CDH18: variants seen among roughly 807,000 people sequenced by gnomAD.
The protein encoded by CDH18 is cadherin-18.
A neutral mutation model predicts 67.9 loss-of-function variants in CDH18; 31 were observed. The ratio of observed to expected loss-of-function variants is 0.46; its 90% CI spans 0.34 to 0.62. The LOEUF (loss-of-function observed/expected upper bound fraction) is 0.62, where lower values mean the gene tolerates loss of function less well. CDH18 is among the 20% of genes least tolerant of loss of function. CDH18 has a pLI of 0.01. For synonymous variants in CDH18, 362 were observed against 347.2 expected, an observed-to-expected ratio of 1.04 and a Z score of -0.48; for missense variants, 890 against 975.5, an observed-to-expected ratio of 0.91 and a Z score of 1.17.
At chr5:20,209,783 A>G (rs894916512) in intron 2 of CDH18, among the ~76,000 whole-genome samples, 8 of 150,548 alleles carry the variant, frequency 5.3e-5, no homozygotes, top group South Asian at 4.2e-4. Flanking sequence ...AGAAAATACA[A>G]AAACTGAAGA....
In CDH18 at chr5:20,529,181, A is replaced by G. The variant is rs367896964; in HGVS notation, c.-580+46281T>C. On this transcript the variant is annotated intron_variant, in intron 1 of 14. Transcript: ENST00000507958. ...AATTCCTGGACACATACACCCTCTC[A>G]AGACTGAACTAGGAAGAAGTTTAAT... Among the ~76,000 whole-genome samples, 7 of 152,088 alleles carry G rather than the reference A, an allele frequency of 4.6e-5. No individual in the cohort carries two copies. The East Asian group carries it at 1.2e-3, about 25-fold the overall frequency.
At chr5:19,933,497 T>A (rs1276464144) in intron 2 of CDH18, among the ~76,000 whole-genome samples, 1 of 151,570 alleles carries the variant, frequency 6.6e-6, no homozygotes, top group Admixed American at 6.6e-5. Flanking sequence ...CCAGCTATTG[T>A]CCCAATTTTT....
chr5:20,525,241 G>A (rs1487999459), intron 1 of CDH18, among the ~76,000 whole-genome samples: 2 of 152,140 alleles, frequency 1.3e-5, no homozygotes. Context: ...CCAAAGGTCT[G>A]AGATGCTCTT....
At chr5:20,375,093 C>G (rs1743306214) in intron 1 of CDH18, among the ~76,000 whole-genome samples, 1 of 152,146 alleles carries the variant, frequency 6.6e-6, no homozygotes, top group African/African-American at 2.4e-5. Context: ...AAATGTCTCA[C>G]TTTGTAATAT....
At chr5:20,170,313 T>TA (rs1182260613) in intron 2 of CDH18, among the ~76,000 whole-genome samples, 7 of 152,090 alleles carry the variant, frequency 4.6e-5, no homozygotes, top group African/African-American at 1.4e-4. Context: ...TTCCTGAGTA[T>TA]AATGGCTTCC....
chr5:20,561,352 C>G (rs1294042194), intron 1 of CDH18, among the ~76,000 whole-genome samples: 1 of 152,022 alleles, frequency 6.6e-6, no homozygotes, highest in Admixed American at 6.6e-5. Flanking sequence ...TGTAAGTAAG[C>G]AAGATATCCT....
intron 2 of CDH18, among the ~76,000 whole-genome samples, chr5:20,091,312 T>G (rs143448844): frequency 2.0e-3 from 306 of 151,360 alleles, no homozygotes; most frequent in Admixed American, 3.8e-3. Context: ...TAACAAGACC[T>G]CATCTCTATA....
chr5:20,485,657 T>A (rs764312619), intron 1 of CDH18, among the ~76,000 whole-genome samples: 1 of 152,116 alleles, frequency 6.6e-6, no homozygotes, highest in Non-Finnish European at 1.5e-5. Context: ...AGAAACAATC[T>A]GAGGTAAGTA....
At chr5:19,482,260 T>C (rs1366609433) in intron 12 of CDH18, among the ~76,000 whole-genome samples, 2 of 151,890 alleles carry the variant, frequency 1.3e-5, no homozygotes, top group Non-Finnish European at 2.9e-5. Context: ...GGACTACAGG[T>C]GCCTGCCACC....
intron 1 of CDH18, among the ~76,000 whole-genome samples, chr5:20,426,068 T>C (rs948376157): frequency 2.0e-5 from 3 of 151,236 alleles, no homozygotes; most frequent in Non-Finnish European, 4.4e-5. Context: ...TTAGGCAATA[T>C]ATCAGAGCTT....
chr5:20,285,052 T>G (rs1746580051), intron 1 of CDH18, among the ~76,000 whole-genome samples: 1 of 151,800 alleles, frequency 6.6e-6, no homozygotes, highest in African/African-American at 2.4e-5. Context: ...CCTAAACCGT[T>G]ATATCATACC....
intron 12 of CDH18, among the ~76,000 whole-genome samples, chr5:19,482,303 A>G (rs972219660): frequency 2.0e-5 from 3 of 152,016 alleles, no homozygotes; most frequent in Non-Finnish European, 4.4e-5. Flanking sequence ...TTTTCAGTAG[A>G]AACGGGGTTT....
At chr5:20,242,638 A>ATATATATATACATATATATATG (rs1743068798) in intron 2 of CDH18, among the ~76,000 whole-genome samples, 3 of 109,488 alleles carry the variant, frequency 2.7e-5, no homozygotes, top group African/African-American at 1.1e-4. Flanking sequence ...ATATATGTAT[A>ATATATATATACATATATATATG]TATATATATA....
At chr5:19,666,957 A>T (rs1032236518) in intron 5 of CDH18, among the ~76,000 whole-genome samples, 3 of 152,122 alleles carry the variant, frequency 2.0e-5, no homozygotes, top group Admixed American at 6.6e-5. Context: ...TCAGCATCAA[A>T]TAAATCATTC....
intron 3 of CDH18, among the ~76,000 whole-genome samples, chr5:19,835,311 T>C (rs1781495619): frequency 6.6e-6 from 1 of 151,174 alleles, no homozygotes; most frequent in Non-Finnish European, 1.5e-5. Context: ...TAAGTGGGAG[T>C]TGAACATTGA....
chr5:19,880,245 C>CA (rs1210751723), intron 2 of CDH18, among the ~76,000 whole-genome samples: 1 of 151,422 alleles, frequency 6.6e-6, no homozygotes, highest in Non-Finnish European at 1.5e-5. Context: ...CAAAAGTTAC[C>CA]AAAAGAAGTC....
chr5:19,861,926 G>T (rs191981342), intron 2 of CDH18, among the ~76,000 whole-genome samples: 1 of 152,100 alleles, frequency 6.6e-6, no homozygotes, highest in East Asian at 1.9e-4. Flanking sequence ...TAGAACTAAG[G>T]GTTCAGAAAC....
intron 2 of CDH18, among the ~76,000 whole-genome samples, chr5:20,214,039 C>A (rs1341762044): frequency 6.6e-6 from 1 of 151,836 alleles, no homozygotes; most frequent in East Asian, 1.9e-4. Context: ...TCCTATAAAC[C>A]AACAGCAGTC....
chr5:19,523,902 C>G (rs558016642), intron 9 of CDH18, among the ~76,000 whole-genome samples: 1 of 152,046 alleles, frequency 6.6e-6, no homozygotes, highest in Non-Finnish European at 1.5e-5. Flanking sequence ...GCATTTATAT[C>G]ATACAGAAAA....
Sources: allele counts gnomAD v4.1 joint callset (sites outside exome capture counted in the v4.1 genomes callset), GRCh38; gene constraint gnomAD v4.1.1; transcripts MANE v1.5; gene names NCBI Gene and HGNC (gene_info 2026-07-23, HGNC 2026-07-21).